Variants in SLC41A3 observed in about 807,000 individuals in gnomAD.
SLC41A3 encodes solute carrier family 41 member 3.
Under a neutral mutation model 45.4 loss-of-function variants are expected in SLC41A3, and 44 were observed. The ratio of observed to expected loss-of-function variants is 0.97; its 90% CI spans 0.76 to 1.25. The LOEUF (loss-of-function observed/expected upper bound fraction) is 1.25. Among genes scored for constraint, SLC41A3 ranks in the 50% most tolerant of loss-of-function variants. The probability of loss-of-function intolerance (pLI) is 0.00; values close to 1 mark genes in which losing one functional copy is unlikely to be tolerated. For synonymous variants in SLC41A3, 256 were observed against 252.4 expected (o/e 1.01, Z -0.13); for missense variants, 550 against 600.6 (o/e 0.92, Z 0.88).
chr3:126,033,416 G>C (rs1442609689), intron 4 of SLC41A3, among the ~76,000 whole-genome samples, 191 bp downstream of exon 4: 2 of 151,368 alleles, frequency 1.3e-5, no homozygotes, highest in African/African-American at 4.9e-5. Context: ...CCCTGGGTCT[G>C]CTTCAGGTGG....
intron 4 of SLC41A3, among the ~76,000 whole-genome samples, chr3:126,031,257 C>A (rs900265797): frequency 6.6e-6 from 1 of 152,132 alleles, no homozygotes; most frequent in East Asian, 1.9e-4. Flanking sequence ...TTATTTAATA[C>A]TAAGAAATAA....
At chr3:126,014,437 A>G (rs2107662822) in intron 8 of SLC41A3, among the ~76,000 whole-genome samples, 1 of 152,302 alleles carries the variant, frequency 6.6e-6, no homozygotes, top group African/African-American at 2.4e-5. Flanking sequence ...TGAGAAATGC[A>G]TTCTGCAGCT....
intron 8 of SLC41A3, 150 bp from the exon 9 acceptor site, chr3:126,012,899 T>G (rs1052734549): frequency 7.9e-7 from 1 of 1,273,108 alleles, no homozygotes; most frequent in African/African-American, 1.5e-5. Context: ...ACCACAGATC[T>G]TGTTTGGCAG....
At chr3:126,007,351 A>T in intron 10 of SLC41A3, 126 bp from the exon 11 acceptor site, 1 of 1,015,884 alleles carries the variant, frequency 9.8e-7, no homozygotes, top group Admixed American at 2.3e-5. Context: ...AGCCTCCTTC[A>T]TCCAGCTTCT....
At chr3:126,025,441 C>T (rs2107722325) in intron 5 of SLC41A3, 1 of 152,238 alleles carries the variant, frequency 6.6e-6, no homozygotes, top group South Asian at 2.1e-4. Context: ...TGCAACAAGA[C>T]AATCTGAGCT....
chr3:126,020,698 C>T (rs1173493481), intron 6 of SLC41A3, among the ~76,000 whole-genome samples: 1 of 152,150 alleles, frequency 6.6e-6, no homozygotes, highest in Admixed American at 6.5e-5. Context: ...TCAATGCAGA[C>T]TTTAAGTCCG....
chr3:126,082,433 A>G (rs1945203375), intron 1 of SLC41A3, among the ~76,000 whole-genome samples: 1 of 152,154 alleles, frequency 6.6e-6, no homozygotes, highest in Admixed American at 6.5e-5. Flanking sequence ...CCCACCCCAA[A>G]TGTCAGTAGT....
chr3:126,072,194 A>T (rs1331054407), intron 1 of SLC41A3, among the ~76,000 whole-genome samples: 1 of 152,206 alleles, frequency 6.6e-6, no homozygotes, highest in Non-Finnish European at 1.5e-5. Flanking sequence ...GTGTTAATGT[A>T]GTGCTTAGAG....
intron 10 of SLC41A3, among the ~76,000 whole-genome samples, chr3:126,007,556 T>C (rs867711272): frequency 4.6e-5 from 7 of 152,130 alleles, no homozygotes; most frequent in Non-Finnish European, 8.8e-5. Flanking sequence ...AGATGTCCAT[T>C]TGGGTTTGCC....
Position 126,015,368 on chromosome 3 carries a change from C to T in SLC41A3, c.970+126G>A, listed in dbSNP as rs560569486. On this transcript the variant is annotated intron_variant, in intron 8 of 10. Coordinates refer to ENST00000360370, the MANE Select transcript of SLC41A3 (RefSeq NM_017836.4). ...TCCCTGTAAGGCAGCAGTCTGTCCACGGCTCAGCTGCCCAACTGCCTGTGC... is the reference window on the plus strand; with the variant it reads ...TCCCTGTAAGGCAGCAGTCTGTCCATGGCTCAGCTGCCCAACTGCCTGTGC... The T allele has an allele frequency of 1.6e-4, 147 of 898,488 alleles. No homozygotes were observed. In the African/African-American group the frequency reaches 1.9e-3, roughly 12 times the overall value. The allele number at this position is 898,488 out of a possible 1,614,324, so 55.7% of individuals were successfully genotyped here.
rs1295148902 is a variant in SLC41A3, at chr3:126,032,256, G to A, written c.453+1351C>T. ...GGGTTTTAGAAAGGCCACCCAGGTG[G>A]CCAGGAGGAGCTGGAGGATTCCTGG... On this transcript the variant is annotated intron_variant, in intron 4 of 10. Coordinates refer to ENST00000360370, the MANE Select transcript of SLC41A3 (RefSeq NM_017836.4). Among the ~76,000 whole-genome samples the A allele has an allele frequency of 2.0e-5, 3 of 152,344 alleles. No homozygotes were observed. In the East Asian group the frequency reaches 5.8e-4, roughly 29 times the overall value.
Position 126,041,068 on chromosome 3 carries a change from TAAA to T in SLC41A3, c.382-7393_382-7391del, listed in dbSNP as rs574431252. Among the ~76,000 whole-genome samples, 17 of 152,216 alleles carry T rather than the reference TAAA, an allele frequency of 1.1e-4. No individual in the cohort carries two copies. In the South Asian group the frequency reaches 2.9e-3, roughly 26 times the overall value. On this transcript the variant is annotated intron_variant, in intron 3 of 10. Coordinates refer to ENST00000360370, the MANE Select transcript of SLC41A3 (RefSeq NM_017836.4). ...ACATACTTAATCTCTAAATTTAAAATAAAAAACAAAAACAAAATCTTTTCATTA... is the reference window on the plus strand; with the variant it reads ...ACATACTTAATCTCTAAATTTAAAATAAACAAAAACAAAATCTTTTCATTA...
chr3:126,076,236 T>C (rs1944874566), intron 1 of SLC41A3, among the ~76,000 whole-genome samples: 1 of 152,236 alleles, frequency 6.6e-6, no homozygotes, highest in Non-Finnish European at 1.5e-5. Flanking sequence ...CATTAAAAGA[T>C]GCTCAGCTTC....
chr3:126,028,861 T>A (rs146264769), intron 4 of SLC41A3, among the ~76,000 whole-genome samples: 129 of 152,352 alleles, frequency 8.5e-4, no homozygotes, highest in African/African-American at 3.0e-3. Context: ...AAGGAGATTA[T>A]TTGGGAGCTT....
chr3:126,050,997 CA>C lies in SLC41A3; in HGVS notation c.326del (p.Leu109ArgfsTer4). 1.2e-6 allele frequency: 2 copies of C among 1,612,708 alleles called. No homozygotes were observed. The highest frequency in any genetic ancestry group is 1.7e-6 in the Non-Finnish European group (2 of 1,179,384). ...TCTCCAGGTTCCCCTTCAGGCCCAC[CA>C]GGGGCGGCACCAATGTCAAAAGGTC... The part of the protein sequence containing the change: ...VKDLLTLVPP[L>X]VGLKGNLEMT... On this transcript the variant is annotated frameshift_variant, in exon 3 of 11. Coordinates refer to ENST00000360370, the MANE Select transcript of SLC41A3 (RefSeq NM_017836.4). LOFTEE classifies it high-confidence loss of function.
chr3:126,006,393 CTGAT>C lies in SLC41A3; in HGVS notation c.*619_*622del. ...ATAATCTGTTTTATTTTACACTTCT[CTGAT>C]TATTGAAATCTAAATAGAGGTTTTT... is the stretch of plus-strand genomic sequence containing the variant. On this transcript the variant is annotated 3_prime_UTR_variant, in exon 11 of 11. Transcript: ENST00000360370. The C allele has an allele frequency of 6.2e-7, 1 of 1,606,186 alleles. No homozygotes were observed. The highest frequency in any genetic ancestry group is 8.5e-7 in the Non-Finnish European group (1 of 1,176,030).
intron 3 of SLC41A3, among the ~76,000 whole-genome samples, chr3:126,049,053 C>G (rs1428147884): frequency 6.6e-6 from 1 of 152,224 alleles, no homozygotes; most frequent in East Asian, 1.9e-4. Flanking sequence ...GTAATCCCAG[C>G]ACTTTGGGAG....
chr3:126,048,189 T>C (rs953470952), intron 3 of SLC41A3, among the ~76,000 whole-genome samples: 9 of 152,192 alleles, frequency 5.9e-5, no homozygotes, highest in African/African-American at 1.9e-4. Flanking sequence ...AGAAAGAGAA[T>C]TGATAACTTT....
chr3:126,043,267 C>T (rs1942711521), intron 3 of SLC41A3, among the ~76,000 whole-genome samples: 1 of 152,016 alleles, frequency 6.6e-6, no homozygotes, highest in Non-Finnish European at 1.5e-5. Context: ...TGGATAAAAA[C>T]ACCTGTCAAC....
Sources: allele counts gnomAD v4.1 joint callset (sites outside exome capture counted in the v4.1 genomes callset), GRCh38; gene constraint gnomAD v4.1.1; transcripts MANE v1.5; gene names NCBI Gene and HGNC (gene_info 2026-07-23, HGNC 2026-07-21).